The following ARHGAP10 variants were observed in gnomAD, a reference collection of about 807,000 sequenced individuals.
ARHGAP10 encodes the protein Rho GTPase activating protein 10.
A neutral mutation model predicts 108.6 loss-of-function variants in ARHGAP10; 87 were observed. The observed-to-expected ratio is 0.80, with a 90% CI of 0.67 to 0.96. The LOEUF is 0.96. ARHGAP10 is among the 40% of genes least tolerant of loss of function. The probability of loss-of-function intolerance (pLI) is 0.00; values close to 1 mark genes in which losing one functional copy is unlikely to be tolerated. For missense variants in ARHGAP10, 939 were observed against 954.5 expected (o/e 0.98, Z 0.21); for synonymous variants, 347 against 341.1 (o/e 1.02, Z -0.19).
At chr4:147,921,384 G>T (rs1028758188) in intron 13 of ARHGAP10, among the ~76,000 whole-genome samples, 1 of 152,192 alleles carries the variant, frequency 6.6e-6, no homozygotes, top group African/African-American at 2.4e-5. Flanking sequence ...AATTGTTGAC[G>T]ATTGGGTCTC....
At chr4:147,942,919 T>C (rs1052899491) in intron 14 of ARHGAP10, among the ~76,000 whole-genome samples, 4 of 152,270 alleles carry the variant, frequency 2.6e-5, no homozygotes, top group Non-Finnish European at 5.9e-5. Context: ...CCTGCCTTTT[T>C]CTTCCCCTTT....
rs1729079417 is a variant in ARHGAP10, at chr4:148,050,367, T to C, written c.2027+3316T>C. On this transcript the variant is annotated intron_variant, in intron 20 of 22. Coordinates refer to ENST00000336498, the MANE Select transcript of ARHGAP10 (RefSeq NM_024605.4). ...TTTGGTTTCTTACTCATCATCATCT[T>C]TTTTTTTTTTTTTTTTTTTTTTTTA... Among the ~76,000 whole-genome samples, 10 of 39,616 alleles carry C rather than the reference T, an allele frequency of 2.5e-4. 1 individual carries two copies. Among genetic ancestry groups the C allele is most frequent in the Non-Finnish European group, 5.4e-4 (7 of 12,872 alleles). The allele number at this position is 39,616 out of a possible 152,430, so 26.0% of individuals were successfully genotyped here. A position where few individuals can be genotyped will look rare whatever the true frequency, so the allele number is the denominator to read the frequency against.
intron 1 of ARHGAP10, among the ~76,000 whole-genome samples, chr4:147,771,651 A>G (rs1462161985): frequency 6.6e-6 from 1 of 152,204 alleles, no homozygotes; most frequent in Non-Finnish European, 1.5e-5. Flanking sequence ...TCTCCTTGCT[A>G]GAGCGGGGTA....
At chr4:147,834,686 A>C (rs1271060535) in intron 3 of ARHGAP10, among the ~76,000 whole-genome samples, 1 of 151,586 alleles carries the variant, frequency 6.6e-6, no homozygotes, top group Non-Finnish European at 1.5e-5. Context: ...CCACCCACCC[A>C]CACTCACACC....
chr4:147,902,276 A>G (rs527735844), intron 10 of ARHGAP10, among the ~76,000 whole-genome samples: 3 of 152,326 alleles, frequency 2.0e-5, no homozygotes, highest in African/African-American at 4.8e-5. Context: ...TTCTCCACCC[A>G]GCAACCAGAC....
At chr4:147,830,279 C>A (rs1373549395) in intron 3 of ARHGAP10, among the ~76,000 whole-genome samples, 1 of 152,102 alleles carries the variant, frequency 6.6e-6, no homozygotes, top group Non-Finnish European at 1.5e-5. Context: ...TGCTGCATAC[C>A]AAAGGCTTTT....
chr4:147,852,388 A>C (rs62330698), intron 4 of ARHGAP10, among the ~76,000 whole-genome samples: 10 of 152,192 alleles, frequency 6.6e-5, no homozygotes, highest in Non-Finnish European at 1.0e-4. Flanking sequence ...TCTGGATTCA[A>C]GTGCTCCATT....
chr4:148,026,664 T>TA (rs147820298), intron 19 of ARHGAP10, among the ~76,000 whole-genome samples: 2,253 of 152,340 alleles, frequency 0.015, 25 homozygotes, highest in Non-Finnish European at 0.022. Context: ...TTTTCTTAAA[T>TA]TAGAGCAGCT....
rs543511899 is a variant in ARHGAP10, at chr4:147,796,141, T to A, written c.155-26586T>A. On this transcript the variant is annotated intron_variant, in intron 1 of 22. Transcript: ENST00000336498. Reference sequence around the variant, plus strand: ...TAGTAGAGGAGGAATTATTTAGTAATGTGATAGAAAATAAGTTTATAATAG... The same window carrying A: ...TAGTAGAGGAGGAATTATTTAGTAAAGTGATAGAAAATAAGTTTATAATAG... 2.6e-5 allele frequency among the ~76,000 whole-genome samples: 4 copies of A among 152,342 alleles called. 1 individual carries two copies. Among genetic ancestry groups the A allele is most frequent in the Admixed American group, 1.3e-4 (2 of 15,296 alleles).
chr4:147,800,379 T>C (rs1731530879), intron 1 of ARHGAP10, among the ~76,000 whole-genome samples: 1 of 152,242 alleles, frequency 6.6e-6, no homozygotes, highest in Non-Finnish European at 1.5e-5. Flanking sequence ...AGAGGCTTCC[T>C]GGGCCAGGTC....
At chr4:147,882,046 CTA>C in intron 10 of ARHGAP10, 114 bp downstream of exon 10, 4 of 946,098 alleles carry the variant, frequency 4.2e-6, no homozygotes, top group Non-Finnish European at 6.6e-6. Context: ...TGTTATCTTG[CTA>C]TATTTCCAGG....
At chr4:147,739,812 T>G (rs1728583574) in intron 1 of ARHGAP10, among the ~76,000 whole-genome samples, 1 of 151,616 alleles carries the variant, frequency 6.6e-6, no homozygotes, top group African/African-American at 2.4e-5. Flanking sequence ...CTTGGTTCAC[T>G]GCAACCTCCG....
At chr4:147,732,700 GGGCCCCGCCTGGGCCCCGCCT>G (rs776876109) in intron 1 of ARHGAP10, among the ~76,000 whole-genome samples, 10 of 151,836 alleles carry the variant, frequency 6.6e-5, no homozygotes, top group Non-Finnish European at 8.8e-5. Flanking sequence ...AGCTGCCAGC[GGGCCCCGCCTGGGCCCCGCCT>G]GGCCCCGGCC....
intron 7 of ARHGAP10, among the ~76,000 whole-genome samples, chr4:147,869,233 G>A (rs1226114542): frequency 1.3e-5 from 2 of 152,180 alleles, no homozygotes. Flanking sequence ...CCTGAAGCCA[G>A]CTCTCTGCCT....
chr4:147,945,094 G>A (rs1020989833), intron 14 of ARHGAP10, among the ~76,000 whole-genome samples: 2 of 152,112 alleles, frequency 1.3e-5, no homozygotes, highest in Admixed American at 6.5e-5. Flanking sequence ...TGTTAGAAGC[G>A]TGTAAGCCCA....
intron 4 of ARHGAP10, among the ~76,000 whole-genome samples, chr4:147,853,675 T>C (rs1247035522): frequency 6.6e-6 from 1 of 152,222 alleles, no homozygotes; most frequent in Non-Finnish European, 1.5e-5. Context: ...AATGTTTCCC[T>C]ACGTTCTTAC....
chr4:147,991,660 G>T (rs1740282551), intron 18 of ARHGAP10, among the ~76,000 whole-genome samples: 1 of 152,130 alleles, frequency 6.6e-6, no homozygotes, highest in Admixed American at 6.6e-5. Context: ...TGGGCACATG[G>T]GATACACCCT....
intron 13 of ARHGAP10, among the ~76,000 whole-genome samples, chr4:147,938,469 G>A (rs1180365137): frequency 1.3e-5 from 2 of 152,312 alleles, no homozygotes; most frequent in Admixed American, 1.3e-4. Flanking sequence ...TGTGTGTGCT[G>A]TGAGTTACAA....
intron 1 of ARHGAP10, among the ~76,000 whole-genome samples, chr4:147,737,002 G>A (rs558888489): frequency 2.2e-4 from 33 of 152,226 alleles, no homozygotes; most frequent in Non-Finnish European, 3.8e-4. Context: ...GTGGCATAGC[G>A]CGCTAACTGA....
Sources: gnomAD v4.1 joint callset for allele counts (sites outside exome capture counted in the v4.1 genomes callset) on GRCh38, gnomAD v4.1.1 for gene constraint, MANE v1.5 for transcripts, NCBI Gene and HGNC (gene_info 2026-07-23, HGNC 2026-07-21) for gene names.